GLDC: variants seen among roughly 807,000 people sequenced by gnomAD.
GLDC encodes the protein glycine decarboxylase, also known as glycine dehydrogenase (decarboxylating), mitochondrial.
GLDC carries 104 observed loss-of-function variants against 121.3 expected under a neutral mutation model. That is an observed-to-expected ratio of 0.86 (90% confidence interval 0.73 to 1.01). The LOEUF (loss-of-function observed/expected upper bound fraction) is 1.01. Ranked by LOEUF, GLDC falls within the 50% of genes least tolerant of loss-of-function variation. The pLI, the probability that GLDC is intolerant of heterozygous loss-of-function variation, is 0.00. For synonymous variants in GLDC, 546 were observed against 480.6 expected (o/e 1.14, Z -1.78); for missense variants, 1,429 against 1,306.6 (o/e 1.09, Z -1.44).
At chr9:6,584,052 A>G (rs1024342971) in intron 15 of GLDC, among the ~76,000 whole-genome samples, 1 of 152,234 alleles carries the variant, frequency 6.6e-6, no homozygotes, top group Admixed American at 6.5e-5. Flanking sequence ...TTACCACAAT[A>G]AAAAATACTT....
chr9:6,621,571 G>T (rs1172455561), intron 2 of GLDC, among the ~76,000 whole-genome samples: 1 of 152,320 alleles, frequency 6.6e-6, no homozygotes, highest in South Asian at 2.1e-4. Flanking sequence ...AGGCTGGAGT[G>T]CAGTGGCTCG....
intron 2 of GLDC, among the ~76,000 whole-genome samples, chr9:6,628,239 C>A (rs1275082944): frequency 6.6e-6 from 1 of 152,184 alleles, no homozygotes; most frequent in Non-Finnish European, 1.5e-5. Context: ...CAGCCTTTTC[C>A]TCCTGAGTAG....
chr9:6,562,187 A>G (rs1817772078), intron 16 of GLDC, among the ~76,000 whole-genome samples: 1 of 152,226 alleles, frequency 6.6e-6, no homozygotes, highest in Non-Finnish European at 1.5e-5. Context: ...GTACATGGTA[A>G]TTGCCATATA....
intron 21 of GLDC, among the ~76,000 whole-genome samples, chr9:6,548,962 G>A (rs1316960815): frequency 6.6e-6 from 1 of 152,022 alleles, no homozygotes; most frequent in African/African-American, 2.4e-5. Context: ...TGCAAACATG[G>A]AATCCTTTTC....
chr9:6,539,204 G>A (rs571401916), intron 22 of GLDC, among the ~76,000 whole-genome samples: 5 of 152,062 alleles, frequency 3.3e-5, no homozygotes, highest in Non-Finnish European at 5.9e-5. Context: ...TTGGCTGGGC[G>A]TGCTGGCTCA....
intron 2 of GLDC, among the ~76,000 whole-genome samples, chr9:6,633,235 G>A (rs1423154252): frequency 6.6e-6 from 1 of 152,034 alleles, no homozygotes; most frequent in East Asian, 1.9e-4. Context: ...ATATCCTTCT[G>A]CCTCTGATGA....
At position 6,592,943 on chromosome 9, in the gene GLDC, T is replaced by C. The variant is rs1818406566; in HGVS notation, c.1309A>G (p.Thr437Ala). The change falls in exon 10 of 25, where the codon ACC (threonine) becomes GCC (alanine). Residue 437 changes from threonine (T) to alanine (A), a missense_variant. Thr to Ala is a moderately conservative substitution (Grantham distance 58). Transcript: ENST00000321612. ...GAGCAGCCACACTGAATCTTCAAGG[T>C]ATCAAAGAACAGGTCATGCTGGAGT... Reference protein sequence around the residue: ...HQLQHDLFFDTLKIQCGCSVK... With the variant: ...HQLQHDLFFDALKIQCGCSVK... The C allele has an allele frequency of 6.2e-7, 1 of 1,613,966 alleles. No homozygotes were observed.
intron 2 of GLDC, among the ~76,000 whole-genome samples, chr9:6,622,153 C>CACAG (rs1819110958): frequency 9.3e-6 from 1 of 107,430 alleles, no homozygotes; most frequent in African/African-American, 4.6e-5. Flanking sequence ...CCACCACACA[C>CACAG]ACACAGACAC....
At chr9:6,597,846 G>C (rs1034526546) in intron 8 of GLDC, among the ~76,000 whole-genome samples, 2 of 152,196 alleles carry the variant, frequency 1.3e-5, no homozygotes, top group East Asian at 1.9e-4. Context: ...TGAGGCAGGA[G>C]AATGGCGTGA....
chr9:6,587,026 T>G (rs1818284819), intron 15 of GLDC, 115 bp downstream of exon 15: 2 of 847,358 alleles, frequency 2.4e-6, no homozygotes, highest in Non-Finnish European at 4.0e-6. Flanking sequence ...GGAGTGGAAC[T>G]GTCTAGCAAG....
In GLDC at chr9:6,606,799, G is replaced by A. The variant is rs994812573; in HGVS notation, c.636-130C>T. 5 of 722,444 alleles carry A rather than the reference G, an allele frequency of 6.9e-6. No homozygotes were observed. The African/African-American group carries it at 7.0e-5, about 10-fold the overall frequency. 44.8% of individuals were successfully genotyped at this position (722,444 alleles called of 1,614,324 possible). A position where few individuals can be genotyped will look rare whatever the true frequency, so the allele number is the denominator to read the frequency against. ...ATAAAAAATACTGAGTAGGCCGGGT[G>A]CGGTGGCTCACGCCTGTAATCCCAG... On this transcript the variant is annotated intron_variant, in intron 4 of 24. Coordinates refer to ENST00000321612, the MANE Select transcript of GLDC (RefSeq NM_000170.3).
intron 15 of GLDC, among the ~76,000 whole-genome samples, chr9:6,568,194 C>G (rs901048509): frequency 6.6e-6 from 1 of 151,374 alleles, no homozygotes; most frequent in Non-Finnish European, 1.5e-5. Context: ...CTGGATTTCT[C>G]TCTCTCTCTC....
At position 6,645,705 on chromosome 9, in the gene GLDC, C is replaced by G. The variant is rs376722267; in HGVS notation, c.-206G>C. 1.4e-4 allele frequency: 46 copies of G among 318,898 alleles called. No individual in the cohort carries two copies. In the South Asian group the frequency reaches 5.8e-3, roughly 40 times the overall value. 19.8% of individuals were successfully genotyped at this position (318,898 alleles called of 1,614,324 possible). ...CACTCGCGCAAAGTTGTGGCTCCAC[C>G]CAAGGCACCTGCTCCGCACACTTTA... On this transcript the variant is annotated 5_prime_UTR_variant, in exon 1 of 25. Coordinates refer to ENST00000321612, the MANE Select transcript of GLDC (RefSeq NM_000170.3).
chr9:6,577,128 G>A (rs1490188822), intron 15 of GLDC, among the ~76,000 whole-genome samples: 3 of 152,206 alleles, frequency 2.0e-5, no homozygotes, highest in African/African-American at 4.8e-5. Flanking sequence ...AAGACAGCGC[G>A]GAAAGGCACA....
chr9:6,599,212 A>T (rs2129875142), intron 8 of GLDC, among the ~76,000 whole-genome samples: 1 of 152,016 alleles, frequency 6.6e-6, no homozygotes, highest in African/African-American at 2.4e-5. Context: ...AGAAACAGGA[A>T]CATAACTGGT....
At chr9:6,623,217 G>C (rs868047909) in intron 2 of GLDC, 7 of 181,354 alleles carry the variant, frequency 3.9e-5, no homozygotes, top group South Asian at 7.7e-5. Context: ...GATGGTTGCT[G>C]TGTCTGTGTA....
At chr9:6,574,149 T>C (rs1167348823) in intron 15 of GLDC, among the ~76,000 whole-genome samples, 1 of 144,652 alleles carries the variant, frequency 6.9e-6, no homozygotes, top group Non-Finnish European at 1.6e-5. Context: ...GAGCAGTGGT[T>C]CTCACGCTCA....
intron 7 of GLDC, among the ~76,000 whole-genome samples, chr9:6,604,230 C>A (rs1166458707): frequency 6.6e-6 from 1 of 152,164 alleles, no homozygotes; most frequent in Non-Finnish European, 1.5e-5. Flanking sequence ...AGTCTCAGTG[C>A]ATTTGTCTTT....
intron 21 of GLDC, among the ~76,000 whole-genome samples, chr9:6,544,405 A>G (rs1297998574): frequency 6.6e-6 from 1 of 152,080 alleles, no homozygotes; most frequent in Non-Finnish European, 1.5e-5. Context: ...TGATGGAAAA[A>G]CAAAAAAAAA....
Sources: gnomAD v4.1 joint callset for allele counts (sites outside exome capture counted in the v4.1 genomes callset) on GRCh38, gnomAD v4.1.1 for gene constraint, MANE v1.5 for transcripts, NCBI Gene and HGNC (gene_info 2026-07-23, HGNC 2026-07-21) for gene names.